Variants in RAB38 observed in about 807,000 individuals in gnomAD.
RAB38 encodes the protein RAB38, member RAS oncogene family, also known as ras-related protein Rab-38.
A neutral mutation model predicts 18.4 loss-of-function variants in RAB38; 15 were observed. The observed-to-expected ratio is 0.82, with a 90% CI of 0.55 to 1.26. The LOEUF (loss-of-function observed/expected upper bound fraction) is 1.26. Ranked by LOEUF, RAB38 falls within the 50% of genes most tolerant of loss-of-function variation. RAB38 has a pLI of 0.00. For missense variants in RAB38, 294 were observed against 267.4 expected, an observed-to-expected ratio of 1.10 and a Z score of -0.69; for synonymous variants, 101 against 104.4, an observed-to-expected ratio of 0.97 and a Z score of 0.20.
chr11:88,030,250 G>C, the RAB38 span, among the ~76,000 whole-genome samples: 2 of 152,192 alleles, frequency 1.3e-5, no homozygotes, highest in East Asian at 3.8e-4. Flanking sequence ...GAAATTTACA[G>C]CACTAAATGC....
chr11:88,087,401 T>C, the RAB38 span, among the ~76,000 whole-genome samples: 1 of 151,976 alleles, frequency 6.6e-6, no homozygotes, highest in African/African-American at 2.4e-5. Context: ...TCTGCAGGCT[T>C]TACAGGCATG....
At chr11:87,841,324 G>A in the RAB38 span, among the ~76,000 whole-genome samples, 38,605 of 151,926 alleles carry the variant, frequency 0.25, 6,256 homozygotes, top group African/African-American at 0.46. Flanking sequence ...ATGGTTTCAT[G>A]AGAGACTTTT....
chr11:88,087,971 A>C, the RAB38 span, among the ~76,000 whole-genome samples: 1 of 151,908 alleles, frequency 6.6e-6, no homozygotes, highest in African/African-American at 2.4e-5. Flanking sequence ...ACAGGAGCTG[A>C]AAAAGGGTGG....
the RAB38 span, among the ~76,000 whole-genome samples, chr11:88,055,422 G>A: frequency 2.0e-5 from 3 of 152,270 alleles, no homozygotes; most frequent in South Asian, 6.2e-4. Flanking sequence ...ATATGAGTAT[G>A]TAATGCATGG....
At chr11:87,964,338 T>G in the RAB38 span, among the ~76,000 whole-genome samples, 4 of 152,080 alleles carry the variant, frequency 2.6e-5, no homozygotes, top group African/African-American at 9.7e-5. Flanking sequence ...TTTTAAATCT[T>G]TAGCAGGTTA....
chr11:87,861,536 C>T, the RAB38 span, among the ~76,000 whole-genome samples: 4 of 151,850 alleles, frequency 2.6e-5, no homozygotes, highest in Non-Finnish European at 5.9e-5. Flanking sequence ...GAGCAAAGGT[C>T]AGGGCAACAG....
At chr11:87,955,043 G>A in the RAB38 span, among the ~76,000 whole-genome samples, 7 of 152,188 alleles carry the variant, frequency 4.6e-5, no homozygotes, top group Non-Finnish European at 1.0e-4. Flanking sequence ...AAGGAGCACA[G>A]CAGAAGAAAA....
the RAB38 span, among the ~76,000 whole-genome samples, chr11:87,847,742 ATTTAAC>A: frequency 6.6e-6 from 1 of 152,114 alleles, no homozygotes; most frequent in Non-Finnish European, 1.5e-5. Flanking sequence ...ATGACGATCA[ATTTAAC>A]GTCAGCAGCC....
chr11:88,050,050 A>T, the RAB38 span: 1 of 152,296 alleles, frequency 6.6e-6, no homozygotes, highest in South Asian at 2.1e-4. Flanking sequence ...ATAAGCAAAA[A>T]TCCTGAGCTA....
the RAB38 span, among the ~76,000 whole-genome samples, chr11:87,843,105 C>T: frequency 5.3e-5 from 8 of 152,082 alleles, no homozygotes; most frequent in African/African-American, 1.9e-4. Flanking sequence ...TTCTTTGGGC[C>T]CTGTTGAGAA....
intron 1 of RAB38, among the ~76,000 whole-genome samples, chr11:88,158,524 A>G (rs1349960530): frequency 2.0e-5 from 3 of 152,306 alleles, no homozygotes; most frequent in Non-Finnish European, 2.9e-5. Flanking sequence ...AAAATTCCTC[A>G]ACAAAACACT....
At chr11:87,932,254 C>T in the RAB38 span, among the ~76,000 whole-genome samples, 1 of 151,962 alleles carries the variant, frequency 6.6e-6, no homozygotes, top group Admixed American at 6.6e-5. Context: ...AACAAACCTG[C>T]ACGTTCTGCA....
the RAB38 span, among the ~76,000 whole-genome samples, chr11:87,976,873 T>C: frequency 9.5e-3 from 690 of 72,482 alleles, 203 homozygotes; most frequent in African/African-American, 0.031. Flanking sequence ...ATATTATATG[T>C]TATATAATGT....
the RAB38 span, among the ~76,000 whole-genome samples, chr11:87,923,031 T>C: frequency 2.6e-5 from 4 of 151,874 alleles, no homozygotes; most frequent in Non-Finnish European, 4.4e-5. Flanking sequence ...ATGACTGTTA[T>C]GTAATTAGTT....
rs1278009566 is a variant in RAB38 at position 88,123,775 on chromosome 11, G to A, written c.484-9635C>T. Among the ~76,000 whole-genome samples the A allele has an allele frequency of 3.3e-5, 5 of 152,170 alleles. No individual in the cohort carries two copies. The East Asian group carries it at 7.7e-4, about 23-fold the overall frequency. On this transcript the variant is annotated intron_variant, in intron 2 of 2. Coordinates refer to ENST00000243662, the MANE Select transcript of RAB38 (RefSeq NM_022337.3). ...GATAATACCCATCTGGCAGAATTAT[G>A]AGAATTAGGAATATTTTACTGGGGC...
the RAB38 span, among the ~76,000 whole-genome samples, chr11:87,820,569 A>C: frequency 2.6e-5 from 4 of 152,198 alleles, no homozygotes; most frequent in Non-Finnish European, 4.4e-5. Flanking sequence ...AAGGCAAATC[A>C]AACTCGGCAG....
chr11:87,962,253 C>A, the RAB38 span, among the ~76,000 whole-genome samples: 1 of 152,122 alleles, frequency 6.6e-6, no homozygotes, highest in Non-Finnish European at 1.5e-5. Context: ...TTGACATGTA[C>A]TACCTGGAGC....
At chr11:87,928,854 C>T in the RAB38 span, among the ~76,000 whole-genome samples, 14 of 152,076 alleles carry the variant, frequency 9.2e-5, no homozygotes, top group African/African-American at 2.7e-4. Context: ...GTGGCTCACA[C>T]CTGTAATCCC....
At chr11:87,897,151 A>G in the RAB38 span, among the ~76,000 whole-genome samples, 8,988 of 151,628 alleles carry the variant, frequency 0.059, 357 homozygotes, top group Non-Finnish European at 0.086. Context: ...AATTCTTCAG[A>G]TTTAACCCCC....
Sources: gnomAD v4.1 joint callset for allele counts (sites outside exome capture counted in the v4.1 genomes callset) on GRCh38, gnomAD v4.1.1 for gene constraint, MANE v1.5 for transcripts, NCBI Gene and HGNC (gene_info 2026-07-23, HGNC 2026-07-21) for gene names.